The following CLDN16 variants were observed in gnomAD, a reference collection of about 807,000 sequenced individuals.
The protein encoded by CLDN16 is claudin-16.
In CLDN16, 13 loss-of-function variants were observed where a neutral mutation model predicts 24.6. That is an observed-to-expected ratio of 0.53 (90% CI 0.34 to 0.84). CLDN16 has a LOEUF of 0.84. Among genes scored for constraint, CLDN16 ranks in the 40% least tolerant of loss-of-function variants. CLDN16 has a pLI of 0.01. For synonymous variants in CLDN16, 116 were observed against 106.7 expected (o/e 1.09, Z -0.54); for missense variants, 298 against 292.7 (o/e 1.02, Z -0.13).
chr3:190,298,963 T>C, the CLDN16 span, among the ~76,000 whole-genome samples: 1 of 152,336 alleles, frequency 6.6e-6, no homozygotes, highest in Non-Finnish European at 1.5e-5. Context: ...CTCAAAAATA[T>C]ATGCTTATTA....
chr3:190,353,036 C>A (rs1016243646), intron 1 of CLDN16, among the ~76,000 whole-genome samples: 2 of 151,918 alleles, frequency 1.3e-5, no homozygotes, highest in East Asian at 3.9e-4. Context: ...AATACGCAAC[C>A]AATAGTAAGT....
At chr3:190,392,682 G>A (rs1242652220) in intron 1 of CLDN16, among the ~76,000 whole-genome samples, 2 of 152,214 alleles carry the variant, frequency 1.3e-5, no homozygotes, top group African/African-American at 4.8e-5. Flanking sequence ...GGTGAGTGAA[G>A]CAGGAGAAGT....
At chr3:190,331,731 T>C (rs1717184265) in intron 1 of CLDN16, among the ~76,000 whole-genome samples, 3 of 152,222 alleles carry the variant, frequency 2.0e-5, no homozygotes, top group Non-Finnish European at 4.4e-5. Context: ...ATTAGTTTTC[T>C]GTGGTTACTG....
chr3:190,355,029 C>T (rs1717739737), intron 1 of CLDN16, among the ~76,000 whole-genome samples: 1 of 151,938 alleles, frequency 6.6e-6, no homozygotes, highest in African/African-American at 2.4e-5. Flanking sequence ...TTTTTCTTGG[C>T]ACTGTTATAT....
At position 190,373,987 on chromosome 3, in the gene CLDN16, G is replaced by A. The variant is rs554058415; in HGVS notation, n.231-541G>A. On this transcript the variant is annotated intron_variant and non_coding_transcript_variant, in intron 2 of 4. Coordinates refer to the CLDN16 transcript ENST00000468220. The stretch of plus-strand genomic sequence containing the variant: ...AATTCCCCTTTTTCTCCATTTGGAT[G>A]GAAGAAACTTCTCAGTGGCTGAAGT... Among the ~76,000 whole-genome samples the A allele has an allele frequency of 2.6e-5, 4 of 151,806 alleles. No homozygotes were observed. In the South Asian group the frequency reaches 8.3e-4, roughly 32 times the overall value.
rs1459043294 is a variant in CLDN16 at position 190,390,797 on chromosome 3, T to C, written c.114+2354T>C. ...ACTCACTTTATGTTTTTATTTTTAT[T>C]TTTTTATAGATTTGGTCTCACGCTG... is the stretch of plus-strand genomic sequence containing the variant. On this transcript the variant is annotated intron_variant, in intron 1 of 4. Coordinates refer to ENST00000264734, the MANE Select transcript of CLDN16 (RefSeq NM_006580.4). Among the ~76,000 whole-genome samples the C allele has an allele frequency of 2.0e-5, 3 of 152,258 alleles. No homozygotes were observed. In the East Asian group the frequency reaches 5.8e-4, roughly 29 times the overall value.
rs867514971 is a variant in CLDN16 at position 190,388,346 on chromosome 3, A to C, written c.17A>C (p.Gln6Pro). The change falls in exon 1 of 5, where the codon CAA becomes CCA. Residue 6 changes from glutamine (Q) to proline (P), a missense_variant. Transcript: ENST00000264734. MRDLLQYIACFFAFFS... is the reference protein window; with the variant it reads MRDLLPYIACFFAFFS... Reference sequence around the variant, plus strand: ...CTTGCCACAATGAGGGATCTTCTTCAATACATCGCTTGCTTCTTTGCCTTT... The same window carrying C: ...CTTGCCACAATGAGGGATCTTCTTCCATACATCGCTTGCTTCTTTGCCTTT... 22 of 1,614,068 alleles carry C rather than the reference A, an allele frequency of 1.4e-5. No homozygotes were observed. In the Middle Eastern group the frequency reaches 3.1e-3, roughly 230 times the overall value.
At chr3:190,331,032 G>C (rs1434232921) in intron 1 of CLDN16, among the ~76,000 whole-genome samples, 1 of 152,160 alleles carries the variant, frequency 6.6e-6, no homozygotes, top group Non-Finnish European at 1.5e-5. Context: ...GAAATAGAAA[G>C]AGGACAGAGT....
In CLDN16 at chr3:190,401,012, G is replaced by A. The variant is rs182358731; in HGVS notation, c.115-1325G>A. The stretch of plus-strand genomic sequence containing the variant: ...TGGATGATAAATAATATCTCTTAAC[G>A]TCCCTTAAGAAATAAGAAAAATAAT... On this transcript the variant is annotated intron_variant, in intron 1 of 4. Transcript: ENST00000264734. 7.2e-5 allele frequency among the ~76,000 whole-genome samples: 11 copies of A among 152,166 alleles called. 1 individual carries two copies. In the East Asian group the frequency reaches 2.1e-3, roughly 29 times the overall value.
At chr3:190,317,372 C>T in the CLDN16 span, among the ~76,000 whole-genome samples, 1 of 152,022 alleles carries the variant, frequency 6.6e-6, no homozygotes, top group Non-Finnish European at 1.5e-5. Context: ...ATTAAAGACC[C>T]CCTAAGGAGT....
At position 190,411,588 on chromosome 3, in the gene CLDN16, T is replaced by A. The variant is rs577574442; in HGVS notation, c.*1552T>A. The A allele has an allele frequency of 1.3e-5, 2 of 152,174 alleles. No homozygotes were observed. The highest frequency in any genetic ancestry group is 1.3e-4 in the Admixed American group (2 of 15,278). 9.4% of individuals were successfully genotyped at this position (152,174 alleles called of 1,614,324 possible). The stretch of plus-strand genomic sequence containing the variant: ...AAAAAGAAATTAAGTTGTGAATTTC[T>A]AAAGACCTTGAAATAAGTGTTTCAA... On this transcript the variant is annotated 3_prime_UTR_variant, in exon 5 of 5. Coordinates refer to ENST00000264734, the MANE Select transcript of CLDN16 (RefSeq NM_006580.4).
rs188907943 is a variant in CLDN16 at position 190,326,329 on chromosome 3, T to C, written n.121+3668T>C. 1.7e-3 allele frequency among the ~76,000 whole-genome samples: 266 copies of C among 152,360 alleles called. 4 individuals carry two copies. The highest frequency in any genetic ancestry group is 6.2e-3 in the African/African-American group (256 of 41,584). On this transcript the variant is annotated intron_variant and non_coding_transcript_variant, in intron 1 of 4. Coordinates refer to the CLDN16 transcript ENST00000468220. The stretch of plus-strand genomic sequence containing the variant: ...CAGGAGGACTCTTTCATGCTTCGAT[T>C]CTGTTACAGTCCCACTGAATGTCAT...
At chr3:190,371,039 T>TATATATATATAA (rs1162902114) in intron 2 of CLDN16, 30 of 2,986 alleles carry the variant, frequency 0.01, no homozygotes, top group Admixed American at 0.019. Context: ...TATATATATA[T>TATATATATATAA]AAAATATATA....
chr3:190,321,336 C>G (rs560170105), upstream of CLDN16, among the ~76,000 whole-genome samples: 6 of 152,254 alleles, frequency 3.9e-5, no homozygotes, highest in South Asian at 2.1e-4. Flanking sequence ...GACCTTGGGT[C>G]TGAAAATTAA....
At chr3:190,395,365 G>A (rs1456431524) in intron 1 of CLDN16, among the ~76,000 whole-genome samples, 3 of 151,948 alleles carry the variant, frequency 2.0e-5, no homozygotes, top group South Asian at 2.1e-4. Context: ...AAAAGAAAAG[G>A]CAACATTGAT....
chr3:190,343,238 G>C (rs3954255), intron 1 of CLDN16, among the ~76,000 whole-genome samples: 92,323 of 151,868 alleles, frequency 0.61, 29,316 homozygotes, highest in East Asian at 0.79. Context: ...CAGGAAAATA[G>C]ATCATAAGCA....
rs104893723 is a variant in CLDN16, at chr3:190,408,314, G to T, written c.383G>T (p.Gly128Val). 1 of 1,613,766 alleles carries T rather than the reference G, an allele frequency of 6.2e-7. No homozygotes were observed. The highest frequency in any genetic ancestry group is 8.5e-7 in the Non-Finnish European group (1 of 1,179,742). Residue 128 changes from glycine to valine, a missense_variant and splice_region_variant, in exon 4 of 5, where the codon GGT becomes GTT. By Grantham distance (109) the Gly-to-Val change is moderately radical (BLOSUM62 -3). Transcript: ENST00000264734. ...FVAGATLLIAGTPGIIGSVWY... is the reference protein window; with the variant it reads ...FVAGATLLIAVTPGIIGSVWY... ...TTGTAGCATCCTCCCTTTCTTTCAG[G>T]TACCCCAGGAATCATTGGCTCTGTG...
the CLDN16 span, among the ~76,000 whole-genome samples, chr3:190,297,934 A>G: frequency 6.6e-6 from 1 of 151,920 alleles, no homozygotes; most frequent in Non-Finnish European, 1.5e-5. Context: ...TAGCTAATGA[A>G]GTAGGCAAAA....
At position 190,404,322 on chromosome 3, in the gene CLDN16, C is replaced by T. The variant is rs1026150895; in HGVS notation, c.218-440C>T. Among the ~76,000 whole-genome samples the T allele has an allele frequency of 3.3e-5, 5 of 151,956 alleles. No homozygotes were observed. The East Asian group carries it at 7.7e-4, about 23-fold the overall frequency. ...TCTGCTTCCCTGTGTCAAATTTTAG[C>T]CAATTATTATTTTTAAATAAAAAAA... On this transcript the variant is annotated intron_variant, in intron 2 of 4. Coordinates refer to ENST00000264734, the MANE Select transcript of CLDN16 (RefSeq NM_006580.4).
Sources: gnomAD v4.1 joint callset for allele counts (sites outside exome capture counted in the v4.1 genomes callset) on GRCh38, gnomAD v4.1.1 for gene constraint, MANE v1.5 for transcripts, NCBI Gene and HGNC (gene_info 2026-07-23, HGNC 2026-07-21) for gene names.